The following B3GNT3 variants were observed in gnomAD, a reference collection of about 807,000 sequenced individuals.
The protein encoded by B3GNT3 is N-acetyllactosaminide beta-1,3-N-acetylglucosaminyltransferase 3.
A neutral mutation model predicts 11.6 loss-of-function variants in B3GNT3; 7 were observed. The ratio of observed to expected loss-of-function variants is 0.60; its 90% CI spans 0.34 to 1.13. The LOEUF (loss-of-function observed/expected upper bound fraction) is 1.13. B3GNT3 is among the 50% of genes most tolerant of loss of function. B3GNT3 has a pLI of 0.03. For synonymous variants in B3GNT3, 201 were observed against 222.1 expected (o/e 0.90, Z 0.85); for missense variants, 400 against 507.4 (o/e 0.79, Z 2.03).
In B3GNT3 at chr19:17,811,069, G is replaced by C. The variant is rs1402961923; in HGVS notation, c.568-502G>C. On this transcript the variant is annotated intron_variant, in intron 2 of 2. Coordinates refer to ENST00000318683, the MANE Select transcript of B3GNT3 (RefSeq NM_014256.4). This position sits in a 1 kb window ranked among gnomAD's most constrained non-coding sequence, Gnocchi z 4.1. ...TAAAAAAAAAAAAATTATTAGCCAG[G>C]AGTAAGTAGCGGCATGTGTCTGTAG... 1.3e-5 allele frequency among the ~76,000 whole-genome samples: 2 copies of C among 151,338 alleles called. No homozygotes were observed. Among genetic ancestry groups the C allele is most frequent in the East Asian group, 2.0e-4 (1 of 5,104 alleles).
At position 17,807,756 on chromosome 19, in the gene B3GNT3, A is replaced by G; in HGVS notation, c.-50-2A>G. ...GTGTTCAGTGAGTTTTGTTTTCCAC[A>G]GGAGCCGCCCAGGAGGCTCCTCAGG... On this transcript the variant is annotated splice_acceptor_variant, in intron 1 of 2. Transcript: ENST00000318683. LOFTEE classifies it low-confidence loss of function (5UTR_SPLICE). The G allele has an allele frequency of 2.0e-6, 3 of 1,527,230 alleles. No homozygotes were observed. Among genetic ancestry groups the G allele is most frequent in the Admixed American group, 2.0e-5 (1 of 50,010 alleles). The allele number at this position is 1,527,230 out of a possible 1,614,324, so 94.6% of individuals were successfully genotyped here.
At chr19:17,806,103 G>A (rs1202636745) in intron 1 of B3GNT3, among the ~76,000 whole-genome samples, 1 of 151,996 alleles carries the variant, frequency 6.6e-6, no homozygotes, top group Non-Finnish European at 1.5e-5. Flanking sequence ...GAGTAGTTGG[G>A]ACTACAGGCA....
At chr19:17,802,519 A>G (rs181632837) in intron 1 of B3GNT3, among the ~76,000 whole-genome samples, 143 of 152,212 alleles carry the variant, frequency 9.4e-4, no homozygotes, top group African/African-American at 2.9e-3. Flanking sequence ...TGCTACAGAC[A>G]TCAGCAGTGC....
chr19:17,795,922 G>A (rs1041991454), intron 1 of B3GNT3, among the ~76,000 whole-genome samples: 82 of 152,124 alleles, frequency 5.4e-4, no homozygotes, highest in Non-Finnish European at 7.3e-5. Flanking sequence ...GGACCTTGGC[G>A]AGGATGAGTT....
At chr19:17,797,188 G>A (rs1038177434) in intron 1 of B3GNT3, among the ~76,000 whole-genome samples, 5 of 152,134 alleles carry the variant, frequency 3.3e-5, no homozygotes, top group Admixed American at 3.3e-4. Flanking sequence ...TGGTGGCCAG[G>A]CTGCACACAG....
intron 1 of B3GNT3, among the ~76,000 whole-genome samples, chr19:17,797,878 A>G (rs2094161266): frequency 6.6e-6 from 1 of 152,132 alleles, no homozygotes; most frequent in African/African-American, 2.4e-5. Flanking sequence ...CTCCTTGTAA[A>G]AAGGGACCAG....
Position 17,812,094 on chromosome 19 carries a change from C to A in B3GNT3, c.1091C>A (p.Thr364Asn). The part of the protein sequence containing the change: ...MWDALNQPNL[T>N]CGNQTQIY ...GATGCGCTGAACCAGCCCAACCTCA[C>A]CTGCGGCAATCAGACACAGATCTAC... Residue 364 changes from threonine (T) to asparagine (N), a missense_variant, in exon 3 of 3, where the codon ACC becomes AAC. By Grantham distance (65) the Thr-to-Asn change is moderately conservative (BLOSUM62 0). Transcript: ENST00000318683. The A allele has an allele frequency of 6.3e-7, 1 of 1,597,580 alleles. No individual in the cohort carries two copies. Among genetic ancestry groups the A allele is most frequent in the South Asian group, 1.1e-5 (1 of 90,990 alleles).
Position 17,807,862 on chromosome 19 carries a change from G to A in B3GNT3, c.55G>A (p.Ala19Thr), listed in dbSNP as rs773117852. 2 of 1,613,098 alleles carry A rather than the reference G, an allele frequency of 1.2e-6. No individual in the cohort carries two copies. Among genetic ancestry groups the A allele is most frequent in the South Asian group, 2.2e-5 (2 of 91,052 alleles). The change falls in exon 2 of 3, where the codon GCT becomes ACT. Residue 19 changes from alanine to threonine, a missense_variant. Physicochemically the swap from Ala to Thr is moderately conservative, Grantham distance 58 (BLOSUM62 0). Transcript: ENST00000318683. ...TGCCACCCTCATTCTGGCCATCGGC[G>A]CTTTCACCCTCCTCCTCTTCAGTCT... ...PNATLILAIG[A>T]FTLLLFSLLV... is the part of the protein sequence containing the mutation.
At position 17,812,201 on chromosome 19, in the gene B3GNT3, CTTTGT is replaced by C; in HGVS notation, c.*80_*84del. The stretch of plus-strand genomic sequence containing the variant: ...CACCTTCCTCCCAGGAAGCTGAGAC[CTTTGT>C]GGTCTGAGCATAAGGGAGTGCCAGG... On this transcript the variant is annotated 3_prime_UTR_variant, in exon 3 of 3. Transcript: ENST00000318683. The C allele has an allele frequency of 6.9e-7, 1 of 1,441,462 alleles. No individual in the cohort carries two copies. Among genetic ancestry groups the C allele is most frequent in the Non-Finnish European group, 9.2e-7 (1 of 1,089,782 alleles). 89.3% of individuals were successfully genotyped at this position (1,441,462 alleles called of 1,614,324 possible). A position where few individuals can be genotyped will look rare whatever the true frequency, so the allele number is the denominator to read the frequency against.
chr19:17,810,720 A>C (rs1440610583), intron 2 of B3GNT3, among the ~76,000 whole-genome samples: 6 of 151,712 alleles, frequency 4.0e-5, no homozygotes, highest in Admixed American at 3.9e-4. Context: ...TGTCTCTACT[A>C]AATACAAAAA....
intron 1 of B3GNT3, among the ~76,000 whole-genome samples, chr19:17,802,567 C>A (rs998277102): frequency 1.3e-5 from 2 of 151,918 alleles, no homozygotes; most frequent in Admixed American, 1.3e-4. Flanking sequence ...CGAAGCCTCT[C>A]GGAGGTGACA....
At chr19:17,807,291 A>G (rs1325414551) in intron 1 of B3GNT3, among the ~76,000 whole-genome samples, 1 of 151,796 alleles carries the variant, frequency 6.6e-6, no homozygotes, top group Non-Finnish European at 1.5e-5. Flanking sequence ...GGAGTTCAAG[A>G]CCAGCCTGGC....
intron 1 of B3GNT3, among the ~76,000 whole-genome samples, chr19:17,804,533 C>CG (rs987013912): frequency 1.8e-5 from 1 of 57,016 alleles, no homozygotes; most frequent in Non-Finnish European, 2.8e-5. Flanking sequence ...CCGTGCCCAG[C>CG]TTTTTTTTTT....
intron 1 of B3GNT3, 29 bp from the exon 2 acceptor site, chr19:17,807,729 G>C: frequency 7.3e-7 from 1 of 1,362,106 alleles, no homozygotes; most frequent in East Asian, 2.4e-5. Context: ...TGCTCATGGC[G>C]AGTGTTCAGT....
intron 1 of B3GNT3, among the ~76,000 whole-genome samples, chr19:17,797,785 G>T (rs62123687): frequency 0.16 from 24,263 of 152,058 alleles, 2,218 homozygotes; most frequent in Non-Finnish European, 0.21. Context: ...ACTAAAGCAG[G>T]GTCCGGCCAT....
At chr19:17,806,451 A>G (rs978578290) in intron 1 of B3GNT3, among the ~76,000 whole-genome samples, 2 of 152,152 alleles carry the variant, frequency 1.3e-5, no homozygotes, top group African/African-American at 4.8e-5. Context: ...GACAGTTAAC[A>G]GGATTGGACT....
Position 17,811,695 on chromosome 19 carries a change from G to T in B3GNT3, c.692G>T (p.Arg231Leu), listed in dbSNP as rs757613140. The T allele has an allele frequency of 6.2e-7, 1 of 1,614,218 alleles. No homozygotes were observed. Among genetic ancestry groups the T allele is most frequent in the African/African-American group, 1.3e-5 (1 of 75,060 alleles). The change falls in exon 3 of 3, where the codon CGC becomes CTC. Residue 231 changes from arginine (R) to leucine (L), a missense_variant. Arg to Leu is a moderately radical substitution (Grantham distance 102). Coordinates refer to ENST00000318683, the MANE Select transcript of B3GNT3 (RefSeq NM_014256.4). The surrounding 1 kb of genome is among the most constrained non-coding windows in gnomAD (Gnocchi z 4.1). ...TACCTGCAGGACCATGACCCTGGCC[G>T]CCACCTCTTCGTGGGGCAACTGATC... ...VFYLQDHDPG[R>L]HLFVGQLIQN...
intron 1 of B3GNT3, among the ~76,000 whole-genome samples, chr19:17,800,804 TA>T (rs1204463081): frequency 2.6e-5 from 4 of 151,854 alleles, no homozygotes; most frequent in Admixed American, 2.0e-4. Flanking sequence ...CTGTCTCTAC[TA>T]AAAATACAAA....
At chr19:17,809,420 T>A (rs866682574) in intron 2 of B3GNT3, among the ~76,000 whole-genome samples, 2 of 151,708 alleles carry the variant, frequency 1.3e-5, no homozygotes, top group African/African-American at 2.4e-5. Context: ...TCAAAAAAAA[T>A]TTAATTAATT....
Sources: gnomAD v4.1 joint callset for allele counts (sites outside exome capture counted in the v4.1 genomes callset) on GRCh38, gnomAD v4.1.1 for gene constraint, Gnocchi (gnomAD v3.1) non-coding constraint, MANE v1.5 for transcripts, NCBI Gene and HGNC (gene_info 2026-07-23, HGNC 2026-07-21) for gene names.